CACNB3: variants seen among roughly 807,000 people sequenced by gnomAD.
The protein encoded by CACNB3 is voltage-dependent L-type calcium channel subunit beta-3.
Under a neutral mutation model 63.7 loss-of-function variants are expected in CACNB3, and 36 were observed. The ratio of observed to expected loss-of-function variants is 0.57; its 90% confidence interval spans 0.43 to 0.75. CACNB3 has a LOEUF of 0.75. Ranked by LOEUF, CACNB3 falls within the 30% of genes least tolerant of loss-of-function variation. The pLI is 0.00. For synonymous variants in CACNB3, 241 were observed against 250.6 expected, an observed-to-expected ratio of 0.96 and a Z score of 0.36; for missense variants, 493 against 648.6, an observed-to-expected ratio of 0.76 and a Z score of 2.61.
rs1051753899 is a variant in CACNB3 at position 48,827,018 on chromosome 12, C to T, written c.1035C>T (p.Ala345=). Residue 345 remains alanine, a synonymous_variant, in exon 12 of 13, where the codon GCC becomes GCT. Coordinates refer to ENST00000301050, the MANE Select transcript of CACNB3 (RefSeq NM_000725.4). Reference sequence around the variant, plus strand: ...TGGATGAGAACCAGCTGGAGGATGCCTGTGAGCACCTGGCTGAGTACCTGG... The same window carrying T: ...TGGATGAGAACCAGCTGGAGGATGCTTGTGAGCACCTGGCTGAGTACCTGG... ...VILDENQLED[A]CEHLAEYLEV... is the part of the protein sequence containing the mutation. 7 of 1,614,000 alleles carry T rather than the reference C, an allele frequency of 4.3e-6. No individual in the cohort carries two copies. The African/African-American group carries it at 8.0e-5, about 18-fold the overall frequency.
In CACNB3 at chr12:48,825,772, G is replaced by T; in HGVS notation, c.742+3G>T. ...CTCCTCTGCCCGCTCCAGCATTGGTGAGAAGTCCCCACCACCTGCTTCTGT... is the reference window on the plus strand; with the variant it reads ...CTCCTCTGCCCGCTCCAGCATTGGTTAGAAGTCCCCACCACCTGCTTCTGT... On this transcript the variant is annotated splice_donor_region_variant and intron_variant, in intron 9 of 12. Coordinates refer to ENST00000301050, the MANE Select transcript of CACNB3 (RefSeq NM_000725.4). This position sits in a 1 kb window ranked among gnomAD's most constrained non-coding sequence, Gnocchi z 4.5. 6.2e-7 allele frequency: 1 copy of T among 1,608,574 alleles called. No individual in the cohort carries two copies. The highest frequency in any genetic ancestry group is 1.1e-5 in the South Asian group (1 of 90,972).
In CACNB3 at chr12:48,826,544, G is replaced by T. The variant is rs756527614; in HGVS notation, c.894+26G>T. On this transcript the variant is annotated intron_variant, in intron 10 of 12. Transcript: ENST00000301050. The surrounding 1 kb of genome is among the most constrained non-coding windows in gnomAD (Gnocchi z 4.8). ...GTAAGTCAGCTGGGCTCATGGAGGA[G>T]GCCCACAGGGCTATCCTACTAGAAT... The T allele has an allele frequency of 6.2e-7, 1 of 1,612,816 alleles. No individual in the cohort carries two copies. The highest frequency in any genetic ancestry group is 8.5e-7 in the Non-Finnish European group (1 of 1,179,292).
In CACNB3 at chr12:48,827,934, C is replaced by T. The variant is rs765463945; in HGVS notation, c.*35C>T. On this transcript the variant is annotated 3_prime_UTR_variant, in exon 13 of 13. Transcript: ENST00000301050. ...GCTGCCCTACCCTGGCAGGCACAGG[C>T]GCAGCTGGCTGGGGGGCCCACTCCA... 44 of 1,575,138 alleles carry T rather than the reference C, an allele frequency of 2.8e-5. No homozygotes were observed. The South Asian group carries it at 3.6e-4, about 13-fold the overall frequency.
At position 48,819,212 on chromosome 12, in the gene CACNB3, A is replaced by C. The variant is rs531746707; in HGVS notation, c.45+238A>C. On this transcript the variant is annotated intron_variant, in intron 1 of 12. Transcript: ENST00000301050. ...AGGGGGCAGTATAGGGGAAGGGCTC[A>C]AGCAGGTGGCTCCACGGCCCAGGAA... Among the ~76,000 whole-genome samples, 7 of 152,084 alleles carry C rather than the reference A, an allele frequency of 4.6e-5. 1 individual carries two copies. The highest frequency in any genetic ancestry group is 1.7e-4 in the African/African-American group (7 of 41,496).
At chr12:48,818,440 T>A, upstream of CACNB3, 3 of 987,876 alleles carry the variant, frequency 3.0e-6, no homozygotes, top group Non-Finnish European at 3.6e-6. This position sits in a 1 kb window ranked among gnomAD's most constrained non-coding sequence, Gnocchi z 4.3. Flanking sequence ...TGTCTCCGCA[T>A]CTCTCCTCGC....
In CACNB3 at chr12:48,826,961, TC is replaced by T; in HGVS notation, c.991-8del. 1 of 1,613,496 alleles carries T rather than the reference TC, an allele frequency of 6.2e-7. No homozygotes were observed. Among genetic ancestry groups the T allele is most frequent in the Admixed American group, 1.7e-5 (1 of 59,986 alleles). On this transcript the variant is annotated splice_polypyrimidine_tract_variant and intron_variant, in intron 11 of 12. Coordinates refer to ENST00000301050, the MANE Select transcript of CACNB3 (RefSeq NM_000725.4). The surrounding 1 kb of genome is among the most constrained non-coding windows in gnomAD (Gnocchi z 4.8). ...AGGGGAAACCAACGTTGCGCCTTCC[TC>T]CCCCTCCCCAGGAGTCATTTGATGT...
chr12:48,821,827 C>T (rs1257592227), intron 1 of CACNB3, among the ~76,000 whole-genome samples: 2 of 152,200 alleles, frequency 1.3e-5, no homozygotes, highest in Non-Finnish European at 2.9e-5. Context: ...GAGGAACAGT[C>T]GGCGGACTAC....
At position 48,825,766 on chromosome 12, in the gene CACNB3, A is replaced by G. The variant is rs769170597; in HGVS notation, c.739A>G (p.Ile247Val). Residue 247 changes from isoleucine to valine, a missense_variant, in exon 9 of 13, where the codon ATT becomes GTT. Ile to Val is a conservative substitution (Grantham distance 29). Coordinates refer to ENST00000301050, the MANE Select transcript of CACNB3 (RefSeq NM_000725.4). The surrounding 1 kb of genome is among the most constrained non-coding windows in gnomAD (Gnocchi z 4.5). ...IIERSSARSS[I>V]AEVQSEIERI... ...TGAGCGCTCCTCTGCCCGCTCCAGC[A>G]TTGGTGAGAAGTCCCCACCACCTGC... 1.1e-5 allele frequency: 18 copies of G among 1,611,724 alleles called. No individual in the cohort carries two copies. The East Asian group carries it at 2.0e-4, about 18-fold the overall frequency.
chr12:48,825,911 C>T lies in CACNB3; in HGVS notation c.742+142C>T. The T allele has an allele frequency of 1.6e-6, 1 of 618,568 alleles. No individual in the cohort carries two copies. The highest frequency in any genetic ancestry group is 2.9e-6 in the Non-Finnish European group (1 of 348,104). The allele number at this position is 618,568 out of a possible 1,614,324, so 38.3% of individuals were successfully genotyped here. A position where few individuals can be genotyped will look rare whatever the true frequency, so the allele number is the denominator to read the frequency against. On this transcript the variant is annotated intron_variant, in intron 9 of 12. Coordinates refer to ENST00000301050, the MANE Select transcript of CACNB3 (RefSeq NM_000725.4). This position sits in a 1 kb window ranked among gnomAD's most constrained non-coding sequence, Gnocchi z 4.5. ...TGGTGAGATCTCGGCTCACTGCAAC[C>T]TCCACCTCCTGGGTTCAAGCGATCT... is the stretch of plus-strand genomic sequence containing the variant.
upstream of CACNB3, chr12:48,815,423 A>C (rs1409491470): frequency 5.9e-6 from 4 of 676,394 alleles, no homozygotes; most frequent in African/African-American, 3.7e-5. Flanking sequence ...GGAGAGACGG[A>C]AGTGGAGAGA....
chr12:48,823,907 A>C lies in CACNB3; in HGVS notation c.291+104A>C. 1.4e-6 allele frequency: 2 copies of C among 1,453,598 alleles called. No individual in the cohort carries two copies. Among genetic ancestry groups the C allele is most frequent in the Non-Finnish European group, 1.9e-6 (2 of 1,055,384 alleles). The allele number at this position is 1,453,598 out of a possible 1,614,324, so 90.0% of individuals were successfully genotyped here. A position where few individuals can be genotyped will look rare whatever the true frequency, so the allele number is the denominator to read the frequency against. On this transcript the variant is annotated intron_variant, in intron 3 of 12. Transcript: ENST00000301050. This position sits in a 1 kb window ranked among gnomAD's most constrained non-coding sequence, Gnocchi z 4.2. Reference sequence around the variant, plus strand: ...AATCCTCAGTCTAATTCCCCAAGCTAATCAGCTCTTCTCCTTAACACACAC... The same window carrying C: ...AATCCTCAGTCTAATTCCCCAAGCTCATCAGCTCTTCTCCTTAACACACAC...
chr12:48,826,867 G>A lies in CACNB3; in HGVS notation c.990+13G>A, dbSNP rs962973523. The A allele has an allele frequency of 1.9e-6, 3 of 1,613,260 alleles. No individual in the cohort carries two copies. In the African/African-American group the frequency reaches 4.0e-5, roughly 22 times the overall value. On this transcript the variant is annotated intron_variant, in intron 11 of 12. Transcript: ENST00000301050. The surrounding 1 kb of genome is among the most constrained non-coding windows in gnomAD (Gnocchi z 4.8). ...TCAGTGCCCACCGGTGAGTGCCTGG[G>A]TCAGCTGCTCCTGTGCCCACTCCCC...
chr12:48,823,942 C>T lies in CACNB3; in HGVS notation c.291+139C>T. The T allele has an allele frequency of 9.2e-7, 1 of 1,082,222 alleles. No homozygotes were observed. Among genetic ancestry groups the T allele is most frequent in the Non-Finnish European group, 1.3e-6 (1 of 753,506 alleles). The allele number at this position is 1,082,222 out of a possible 1,614,324, so 67.0% of individuals were successfully genotyped here. ...TCTCCTTAACACACACCTGTCCACCCCTCATATCTAAGATCTCATCCCCAG... is the reference window on the plus strand; with the variant it reads ...TCTCCTTAACACACACCTGTCCACCTCTCATATCTAAGATCTCATCCCCAG... On this transcript the variant is annotated intron_variant, in intron 3 of 12. Coordinates refer to ENST00000301050, the MANE Select transcript of CACNB3 (RefSeq NM_000725.4). This position sits in a 1 kb window ranked among gnomAD's most constrained non-coding sequence, Gnocchi z 4.2.
chr12:48,816,778 C>A, upstream of CACNB3: 1 of 917,690 alleles, frequency 1.1e-6, no homozygotes, highest in Non-Finnish European at 1.3e-6. Flanking sequence ...CCAGGACCTT[C>A]TGTGGGTGGA....
intron 1 of CACNB3, chr12:48,819,796 T>C (rs953854899): frequency 2.6e-6 from 1 of 387,224 alleles, no homozygotes; most frequent in Non-Finnish European, 5.2e-6. Context: ...CTCTTTGCTT[T>C]TATCTCCTGA....
intron 1 of CACNB3, chr12:48,821,012 T>A (rs1187607001): frequency 6.6e-6 from 1 of 152,026 alleles, no homozygotes; most frequent in Non-Finnish European, 1.5e-5. Context: ...GGTGAAACCC[T>A]GTGTCTACTA....
chr12:48,827,881 G>T lies in CACNB3; in HGVS notation c.1437G>T (p.Trp479Cys). Residue 479 changes from tryptophan to cysteine, a missense_variant, in exon 13 of 13, where the codon TGG becomes TGT. By Grantham distance (215) the Trp-to-Cys change is radical. Coordinates refer to ENST00000301050, the MANE Select transcript of CACNB3 (RefSeq NM_000725.4). ...SDRNWQRNRPWPKDSY is the reference protein window; with the variant it reads ...SDRNWQRNRPCPKDSY ...GGAACTGGCAGCGCAACCGGCCTTG[G>T]CCCAAGGATAGCTACTGACAGCCTC... 6.2e-7 allele frequency: 1 copy of T among 1,613,678 alleles called. No individual in the cohort carries two copies. Among genetic ancestry groups the T allele is most frequent in the Non-Finnish European group, 8.5e-7 (1 of 1,179,696 alleles).
At position 48,825,237 on chromosome 12, in the gene CACNB3, T is replaced by C; in HGVS notation, c.567T>C (p.Gly189=). Residue 189 remains glycine (G), a synonymous_variant, in exon 7 of 13, where the codon GGT becomes GGC. Transcript: ENST00000301050. This position sits in a 1 kb window ranked among gnomAD's most constrained non-coding sequence, Gnocchi z 4.5. ...TGCTGGTGGGACCCTCTCTGAAAGG[T>C]TATGAGGTGAGAGGAGGTCCTTGAC... The part of the protein sequence containing the change: ...PVVLVGPSLK[G]YEVTDMMQKA... The C allele has an allele frequency of 6.2e-7, 1 of 1,613,842 alleles. No individual in the cohort carries two copies. The highest frequency in any genetic ancestry group is 8.5e-7 in the Non-Finnish European group (1 of 1,179,882).
chr12:48,816,925 C>T (rs1019866324), upstream of CACNB3: 21 of 985,394 alleles, frequency 2.1e-5, no homozygotes, highest in Non-Finnish European at 2.5e-5. Context: ...TGACACCTCT[C>T]CAGGCCCCTG....
Sources: allele counts gnomAD v4.1 joint callset (sites outside exome capture counted in the v4.1 genomes callset), GRCh38; gene constraint gnomAD v4.1.1; non-coding constraint Gnocchi (gnomAD v3.1); transcripts MANE v1.5; gene names NCBI Gene and HGNC (gene_info 2026-07-23, HGNC 2026-07-21).